The following ARHGAP8 variants were observed in gnomAD, a reference collection of about 807,000 sequenced individuals.
The protein encoded by ARHGAP8 is Rho GTPase activating protein 8, also known as rho GTPase-activating protein 8.
In ARHGAP8, 62 loss-of-function variants were observed where a neutral mutation model predicts 46.1. The ratio of observed to expected loss-of-function variants is 1.34; its 90% confidence interval spans 1.10 to 1.66. The LOEUF is 1.66. Ranked by LOEUF, ARHGAP8 falls within the 40% of genes most tolerant of loss-of-function variation. The pLI, the probability that ARHGAP8 is intolerant of heterozygous loss-of-function variation, is 0.00. For missense variants in ARHGAP8, 923 were observed against 568.4 expected (o/e 1.62, Z -6.34); for synonymous variants, 375 against 243.1 (o/e 1.54, Z -5.05).
At chr22:44,766,444 A>C (rs1925571368) in intron 1 of ARHGAP8, among the ~76,000 whole-genome samples, 1 of 150,630 alleles carries the variant, frequency 6.6e-6, no homozygotes, top group Non-Finnish European at 1.5e-5. Context: ...GTCTTTGTGC[A>C]TATGTGTGTC....
At chr22:44,860,560 T>G (rs2070426370) in intron 11 of ARHGAP8, among the ~76,000 whole-genome samples, 1 of 137,538 alleles carries the variant, frequency 7.3e-6, no homozygotes, top group Non-Finnish European at 1.6e-5. Context: ...CAACGACAGC[T>G]GCAACGGCCC....
intron 10 of ARHGAP8, among the ~76,000 whole-genome samples, chr22:44,857,354 C>T (rs746150078): frequency 4.9e-4 from 74 of 152,184 alleles, no homozygotes; most frequent in Non-Finnish European, 1.9e-4. Context: ...TGACTAGAAA[C>T]TGCAGGGAGG....
chr22:44,859,859 G>C (rs1224026104), intron 11 of ARHGAP8, 25 bp downstream of exon 11: 2 of 1,609,764 alleles, frequency 1.2e-6, no homozygotes, highest in East Asian at 2.2e-5. Flanking sequence ...GGGGAGCTTG[G>C]GGTGAAGCCC....
intron 7 of ARHGAP8, among the ~76,000 whole-genome samples, chr22:44,831,815 A>G (rs1446152110): frequency 1.3e-5 from 2 of 152,214 alleles, no homozygotes; most frequent in Non-Finnish European, 2.9e-5. Flanking sequence ...CTATTGGTCT[A>G]TATGTTTATC....
In ARHGAP8 at chr22:44,862,268, C is replaced by G. The variant is rs188215081; in HGVS notation, c.982-7C>G. ...ACTCCCCTTTACTTGTGTGTGGTTT[C>G]CTCCAGGTGTCCCGGGAGAGCATCT... is the stretch of plus-strand genomic sequence containing the variant. On this transcript the variant is annotated splice_region_variant and splice_polypyrimidine_tract_variant and intron_variant, in intron 11 of 11. Coordinates refer to ENST00000356099, the MANE Select transcript of ARHGAP8 (RefSeq NM_181335.3). 5.7e-6 allele frequency: 9 copies of G among 1,581,984 alleles called. No homozygotes were observed. Among genetic ancestry groups the G allele is most frequent in the Non-Finnish European group, 7.8e-6 (9 of 1,159,506 alleles).
chr22:44,855,504 C>G (rs939888606), intron 10 of ARHGAP8, among the ~76,000 whole-genome samples: 2 of 152,134 alleles, frequency 1.3e-5, no homozygotes, highest in Admixed American at 1.3e-4. Context: ...TAGTTTCATA[C>G]AAGTTAAGAT....
In ARHGAP8 at chr22:44,856,374, A is replaced by G. The variant is rs188302376; in HGVS notation, c.878-3357A>G. Among the ~76,000 whole-genome samples, 267 of 143,018 alleles carry G rather than the reference A, an allele frequency of 1.9e-3. 2 individuals carry two copies. Among genetic ancestry groups the G allele is most frequent in the African/African-American group, 6.7e-3 (256 of 38,038 alleles). 93.8% of individuals were successfully genotyped at this position (143,018 alleles called of 152,430 possible). On this transcript the variant is annotated intron_variant, in intron 10 of 11. Transcript: ENST00000356099. Reference sequence around the variant, plus strand: ...CTACAACCTCTGCCTCCCGGGTTCAAGTGATTGTCCTGCCTCAGGCTCCCA... The same window carrying G: ...CTACAACCTCTGCCTCCCGGGTTCAGGTGATTGTCCTGCCTCAGGCTCCCA...
At chr22:44,832,144 A>G (rs116973407) in intron 7 of ARHGAP8, among the ~76,000 whole-genome samples, 2,362 of 106,188 alleles carry the variant, frequency 0.022, 33 homozygotes, top group South Asian at 0.053. Flanking sequence ...GTGGTATTTT[A>G]TGGTTTTCAC....
In ARHGAP8 at chr22:44,798,136, C is replaced by T. The variant is rs143540884; in HGVS notation, c.80-3941C>T. ...GGACTACAGGCGTGCACCACCACAC[C>T]CAGCTAATTTTTTATTTTTAGTAGA... On this transcript the variant is annotated intron_variant, in intron 2 of 11. Transcript: ENST00000356099. Among the ~76,000 whole-genome samples, 254 of 152,050 alleles carry T rather than the reference C, an allele frequency of 1.7e-3. 6 individuals carry two copies. In the East Asian group the frequency reaches 0.043, roughly 26 times the overall value.
At chr22:44,830,487 T>G (rs2147132383) in intron 7 of ARHGAP8, among the ~76,000 whole-genome samples, 1 of 149,098 alleles carries the variant, frequency 6.7e-6, no homozygotes, top group Admixed American at 6.8e-5. Context: ...CCTGCCACCA[T>G]GCGAGCTAAA....
intron 4 of ARHGAP8, among the ~76,000 whole-genome samples, chr22:44,811,248 C>A (rs531941316): frequency 6.6e-6 from 1 of 152,290 alleles, no homozygotes; most frequent in South Asian, 2.1e-4. Context: ...GAAATCTAGC[C>A]GGGGAGTTGG....
intron 1 of ARHGAP8, among the ~76,000 whole-genome samples, chr22:44,773,720 C>G (rs1316792132): frequency 2.0e-5 from 3 of 152,136 alleles, no homozygotes; most frequent in African/African-American, 7.2e-5. Context: ...GTAGCTAGGA[C>G]TAAAGGTGTA....
intron 1 of ARHGAP8, among the ~76,000 whole-genome samples, chr22:44,779,894 A>AG (rs904292363): frequency 5.3e-5 from 8 of 152,106 alleles, no homozygotes; most frequent in African/African-American, 4.8e-5. Context: ...ACAAAACAAC[A>AG]GGGGGGTCCC....
intron 10 of ARHGAP8, among the ~76,000 whole-genome samples, chr22:44,858,381 T>A (rs1027300768): frequency 6.6e-6 from 1 of 151,652 alleles, no homozygotes; most frequent in African/African-American, 2.4e-5. Context: ...TTTTTTTTTT[T>A]TTTGAGATGG....
At chr22:44,828,902 C>T (rs1386750255) in intron 7 of ARHGAP8, among the ~76,000 whole-genome samples, 1 of 151,926 alleles carries the variant, frequency 6.6e-6, no homozygotes, top group Non-Finnish European at 1.5e-5. Context: ...TGGGAGATTC[C>T]AGCCACGCCT....
intron 3 of ARHGAP8, 122 bp downstream of exon 3, chr22:44,802,286 G>A: frequency 1.0e-5 from 13 of 1,285,356 alleles, no homozygotes; most frequent in Non-Finnish European, 1.4e-5. Flanking sequence ...GACCTTGCTG[G>A]TGTGCAGAGC....
intron 4 of ARHGAP8, among the ~76,000 whole-genome samples, chr22:44,814,085 A>G (rs758415518): frequency 1.3e-5 from 2 of 152,118 alleles, no homozygotes; most frequent in African/African-American, 2.4e-5. Context: ...TTGGCTGCCT[A>G]CCTTTCTTCC....
chr22:44,819,566 A>T (rs1929981681), intron 5 of ARHGAP8, among the ~76,000 whole-genome samples: 1 of 152,134 alleles, frequency 6.6e-6, no homozygotes, highest in African/African-American at 2.4e-5. Flanking sequence ...CCAGCTACTC[A>T]GGAGGGTGAG....
chr22:44,786,720 G>A, intron 2 of ARHGAP8, 114 bp downstream of exon 2: 1 of 1,437,608 alleles, frequency 7.0e-7, no homozygotes, highest in Non-Finnish European at 9.3e-7. Flanking sequence ...GGGCAAGATT[G>A]AAATCTAATT....
Sources: allele counts gnomAD v4.1 joint callset (sites outside exome capture counted in the v4.1 genomes callset), GRCh38; gene constraint gnomAD v4.1.1; transcripts MANE v1.5; gene names NCBI Gene and HGNC (gene_info 2026-07-23, HGNC 2026-07-21).